Variants in ABCA1 observed in about 807,000 individuals in gnomAD.
ABCA1 encodes the protein ATP binding cassette subfamily A member 1, also known as phospholipid-transporting ATPase ABCA1.
ABCA1 carries 133 observed loss-of-function variants against 262.5 expected under a neutral mutation model. The observed-to-expected ratio is 0.51, with a 90% CI of 0.44 to 0.59. The LOEUF is 0.59. Ranked by LOEUF, ABCA1 falls within the 20% of genes least tolerant of loss-of-function variation. The pLI, the probability that ABCA1 is intolerant of heterozygous loss-of-function variation, is 0.00. For synonymous variants in ABCA1, 1,022 were observed against 1,043.5 expected, an observed-to-expected ratio of 0.98 and a Z score of 0.40; for missense variants, 2,452 against 2,777.5, an observed-to-expected ratio of 0.88 and a Z score of 2.63.
At chr9:104,875,135 T>C (rs1838037077) in intron 5 of ABCA1, among the ~76,000 whole-genome samples, 1 of 151,690 alleles carries the variant, frequency 6.6e-6, no homozygotes, top group Admixed American at 6.6e-5. Context: ...TCCATTTTGT[T>C]CTGTACTAAG....
chr9:104,792,811 A>G lies in ABCA1; in HGVS notation c.5732T>C (p.Ile1911Thr), dbSNP rs200269109. Residue 1911 changes from isoleucine (I) to threonine (T), a missense_variant, in exon 42 of 50, where the codon ATC becomes ACC. Physicochemically the swap from Ile to Thr is moderately conservative, Grantham distance 89. Transcript: ENST00000374736. Reference protein sequence around the residue: ...RILDGGGQNDILEIKELTKIY... With the variant: ...RILDGGGQNDTLEIKELTKIY... ...CTTCGTCAACTCCTTGATTTCTAAG[A>G]TGTCATTCTGGCCTCCACCATCAAG... The G allele has an allele frequency of 6.2e-7, 1 of 1,614,090 alleles. No homozygotes were observed. The highest frequency in any genetic ancestry group is 1.3e-5 in the African/African-American group (1 of 75,034).
chr9:104,818,608 G>T (rs1311220028), intron 23 of ABCA1, 55 bp downstream of exon 23: 4 of 1,532,336 alleles, frequency 2.6e-6, no homozygotes, highest in Non-Finnish European at 3.6e-6. Context: ...TTCACAGCCA[G>T]CAAGTCCTGG....
At chr9:104,878,632 T>C (rs112045143) in intron 5 of ABCA1, among the ~76,000 whole-genome samples, 117 of 152,290 alleles carry the variant, frequency 7.7e-4, no homozygotes, top group African/African-American at 2.6e-3. Flanking sequence ...CCATATTTGT[T>C]TTGGACACCT....
intron 2 of ABCA1, among the ~76,000 whole-genome samples, chr9:104,898,748 C>G (rs996487411): frequency 6.6e-6 from 1 of 152,246 alleles, no homozygotes; most frequent in African/African-American, 2.4e-5. Flanking sequence ...CCCCCAGTCT[C>G]TCTGCCTGGA....
chr9:104,850,718 G>A (rs1183373825), intron 7 of ABCA1, among the ~76,000 whole-genome samples: 2 of 152,162 alleles, frequency 1.3e-5, no homozygotes, highest in African/African-American at 4.8e-5. Context: ...CTTACTTGAC[G>A]AAGGCAGACA....
intron 39 of ABCA1, among the ~76,000 whole-genome samples, chr9:104,795,313 GA>G (rs1452607944): frequency 2.0e-5 from 3 of 152,284 alleles, no homozygotes; most frequent in Admixed American, 6.5e-5. Context: ...GTATGGACAG[GA>G]AGAGTTGTGC....
At chr9:104,878,969 G>C (rs142909506) in intron 5 of ABCA1, among the ~76,000 whole-genome samples, 189 of 152,124 alleles carry the variant, frequency 1.2e-3, no homozygotes, top group Non-Finnish European at 9.7e-4. Context: ...CTGAGTGGTA[G>C]TGTCTACAGA....
Position 104,816,234 on chromosome 9 carries a change from C to T in ABCA1, c.3647G>A (p.Gly1216Glu). Residue 1216 changes from glycine to glutamate, a missense_variant, in exon 25 of 50, where the codon GGA becomes GAA. This residue lies in a region of ABCA1 where 665 missense variants were observed against 727.3 expected (regional missense o/e 0.91). Transcript: ENST00000374736. The stretch of plus-strand genomic sequence containing the variant: ...CTCATGAAAGAGTTCCACAAAGGCT[C>T]CCTCCTTAGCAGCTTCATATGGCAG... The part of the protein sequence containing the change: ...YVLPYEAAKE[G>E]AFVELFHEID... 6.2e-7 allele frequency: 1 copy of T among 1,614,184 alleles called. No individual in the cohort carries two copies. The highest frequency in any genetic ancestry group is 8.5e-7 in the Non-Finnish European group (1 of 1,180,040).
chr9:104,829,943 T>TACACACACACAC (rs59055896), intron 14 of ABCA1, among the ~76,000 whole-genome samples: 8 of 140,802 alleles, frequency 5.7e-5, no homozygotes, highest in African/African-American at 2.0e-4. Flanking sequence ...TCCTGATCCC[T>TACACACACACAC]ACACACACAC....
rs764486276 is a variant in ABCA1, at chr9:104,784,273, A to G, written c.*42T>C. ...CTTCACATGGTGCAAAGGAAAGTCT[A>G]GTTCCTCTTTACTTTCAGCCACCCC... On this transcript the variant is annotated 3_prime_UTR_variant, in exon 50 of 50. Coordinates refer to ENST00000374736, the MANE Select transcript of ABCA1 (RefSeq NM_005502.4). 3 of 1,613,144 alleles carry G rather than the reference A, an allele frequency of 1.9e-6. No homozygotes were observed. The highest frequency in any genetic ancestry group is 2.5e-6 in the Non-Finnish European group (3 of 1,179,440).
At chr9:104,849,318 T>A (rs1022267354) in intron 7 of ABCA1, among the ~76,000 whole-genome samples, 1 of 152,176 alleles carries the variant, frequency 6.6e-6, no homozygotes, top group Non-Finnish European at 1.5e-5. Context: ...CAGACACAAA[T>A]TCAATGCCAT....
At chr9:104,820,760 T>C (rs944532622) in intron 20 of ABCA1, among the ~76,000 whole-genome samples, 47 of 145,840 alleles carry the variant, frequency 3.2e-4, no homozygotes, top group Non-Finnish European at 6.4e-4. Flanking sequence ...ATAAGGAGGG[T>C]GGCGGGGGAG....
intron 14 of ABCA1, 123 bp downstream of exon 14, chr9:104,830,802 C>T: frequency 8.7e-7 from 1 of 1,146,454 alleles, no homozygotes. Flanking sequence ...CAACTGTTGA[C>T]AACTTACATC....
chr9:104,902,809 G>A (rs1840773116), intron 2 of ABCA1, among the ~76,000 whole-genome samples: 1 of 152,026 alleles, frequency 6.6e-6, no homozygotes, highest in Non-Finnish European at 1.5e-5. Flanking sequence ...TTTGATTACA[G>A]ACATGTTAAG....
intron 9 of ABCA1, among the ~76,000 whole-genome samples, chr9:104,839,522 TTGTTG>T: frequency 1.1e-5 from 1 of 90,908 alleles, no homozygotes; most frequent in African/African-American, 5.5e-5. Flanking sequence ...TGTTAGTTCT[TTGTTG>T]TTGTTGTTGT....
rs7026408 is a variant in ABCA1 at position 104,887,477 on chromosome 9, G to A, written c.160+1625C>T. 7.7e-3 allele frequency among the ~76,000 whole-genome samples: 1,171 copies of A among 152,190 alleles called. 11 individuals carry two copies. Among genetic ancestry groups the A allele is most frequent in the African/African-American group, 0.027 (1,115 of 41,524 alleles). The stretch of plus-strand genomic sequence containing the variant: ...AACAAACCCCAACTTGTCTGATGCC[G>A]AAGACATTTGCTATTTCCACTACAC... On this transcript the variant is annotated intron_variant, in intron 3 of 49. Transcript: ENST00000374736.
Position 104,819,581 on chromosome 9 carries a change from G to T in ABCA1, c.3241+5C>A. On this transcript the variant is annotated splice_donor_5th_base_variant and intron_variant, in intron 22 of 49. Coordinates refer to ENST00000374736, the MANE Select transcript of ABCA1 (RefSeq NM_005502.4). ...ATTTACTCAGAATAAATACACATCA[G>T]GCACCTTGTCGGTATTTCAGCAGCA... 6.2e-7 allele frequency: 1 copy of T among 1,614,086 alleles called. No individual in the cohort carries two copies. The highest frequency in any genetic ancestry group is 8.5e-7 in the Non-Finnish European group (1 of 1,180,016).
intron 18 of ABCA1, among the ~76,000 whole-genome samples, 198 bp from the exon 19 acceptor site, chr9:104,822,865 A>G (rs1832488667): frequency 6.6e-6 from 1 of 152,192 alleles, no homozygotes. Flanking sequence ...ATACGATGAT[A>G]AAGGAGCATT....
chr9:104,814,095 T>G (rs1190207965), intron 27 of ABCA1, 23 bp downstream of exon 27: 3 of 1,605,922 alleles, frequency 1.9e-6, no homozygotes, highest in Non-Finnish European at 2.6e-6. Context: ...AGTAGGACAC[T>G]GTTTGATCTT....
Sources: gnomAD v4.1 joint callset for allele counts (sites outside exome capture counted in the v4.1 genomes callset) on GRCh38, gnomAD v4.1.1 for gene constraint, gnomAD v4.1.1 regional missense constraint, MANE v1.5 for transcripts, NCBI Gene and HGNC (gene_info 2026-07-23, HGNC 2026-07-21) for gene names.